The following ANK3 variants were observed in gnomAD, a reference collection of about 807,000 sequenced individuals.
ANK3 encodes ankyrin 3.
In ANK3, 57 loss-of-function variants were observed where a neutral mutation model predicts 370.9. The observed-to-expected ratio is 0.15, with a 90% CI of 0.12 to 0.19. The LOEUF (loss-of-function observed/expected upper bound fraction) is 0.19. Among genes scored for constraint, ANK3 ranks in the 10% least tolerant of loss-of-function variants. The pLI, the probability that ANK3 is intolerant of heterozygous loss-of-function variation, is 1.00. For missense variants in ANK3, 4,439 were observed against 5,302.1 expected, an observed-to-expected ratio of 0.84 and a Z score of 5.06; for synonymous variants, 1,929 against 1,946.3, an observed-to-expected ratio of 0.99 and a Z score of 0.23.
At chr10:60,391,733 T>C (rs965547214), upstream of ANK3, among the ~76,000 whole-genome samples, 3 of 152,212 alleles carry the variant, frequency 2.0e-5, no homozygotes, top group African/African-American at 4.8e-5. Flanking sequence ...TACTTTCTCA[T>C]TGATTTCTAT....
intron 42 of ANK3, chr10:60,044,411 A>G: frequency 1.3e-6 from 1 of 781,056 alleles, no homozygotes; most frequent in Non-Finnish European, 1.6e-6. Context: ...ACTACTCCAA[A>G]CACCACACAC....
chr10:60,216,701 A>T (rs2096942959), intron 8 of ANK3, among the ~76,000 whole-genome samples: 1 of 152,170 alleles, frequency 6.6e-6, no homozygotes, highest in Admixed American at 6.5e-5. Context: ...ATCGATGTTC[A>T]TCAGGGATAC....
At chr10:60,415,916 G>GTCCC (rs1567021986) in intron 2 of ANK3, among the ~76,000 whole-genome samples, 1 of 81,272 alleles carries the variant, frequency 1.2e-5, no homozygotes, top group African/African-American at 4.7e-5. Context: ...CTGAATTTGT[G>GTCCC]CCCCCCACCC....
intron 1 of ANK3, among the ~76,000 whole-genome samples, chr10:60,707,620 T>C (rs1441086718): frequency 1.3e-5 from 2 of 150,840 alleles, no homozygotes; most frequent in East Asian, 1.9e-4. Context: ...TATTTAAATA[T>C]ATAAATTTAA....
At chr10:60,635,334 T>C (rs752955542) in intron 1 of ANK3, among the ~76,000 whole-genome samples, 7 of 152,218 alleles carry the variant, frequency 4.6e-5, no homozygotes, top group Admixed American at 6.5e-5. Flanking sequence ...TAAACTCATG[T>C]AATTAGAGTC....
At chr10:60,649,534 T>C (rs966501366) in intron 1 of ANK3, among the ~76,000 whole-genome samples, 3 of 152,222 alleles carry the variant, frequency 2.0e-5, no homozygotes, top group Non-Finnish European at 2.9e-5. Context: ...TGATATCTTA[T>C]GTGAAATCAA....
intron 25 of ANK3, among the ~76,000 whole-genome samples, chr10:60,116,512 G>C (rs1488551055): frequency 6.6e-6 from 1 of 151,738 alleles, no homozygotes; most frequent in South Asian, 2.1e-4. Flanking sequence ...GCTTTTCAGG[G>C]AGAAGAAAAC....
Position 60,084,622 on chromosome 10 carries a change from C to T in ANK3, c.4054G>A (p.Ala1352Thr), listed in dbSNP as rs759186781. ...GGTACCTCAATATCTTTGCTTCTTG[C>T]GACTTCCTCAAAATTCTCTTGTTGC... The part of the protein sequence containing the change: ...LEQQENFEEV[A>T]RSKDIEVLEG... The change falls in exon 32 of 44, where the codon GCA becomes ACA. Residue 1352 changes from alanine (A) to threonine (T), a missense_variant. By Grantham distance (58) the Ala-to-Thr change is moderately conservative (BLOSUM62 0). This residue lies in a region of ANK3 where 702 missense variants were observed against 941.5 expected (regional missense o/e 0.75). Transcript: ENST00000280772. 6 of 1,613,616 alleles carry T rather than the reference C, an allele frequency of 3.7e-6. No homozygotes were observed. Among genetic ancestry groups the T allele is most frequent in the Admixed American group, 3.3e-5 (2 of 59,948 alleles).
At chr10:60,037,623 ACT>A (rs1179805311) in intron 43 of ANK3, among the ~76,000 whole-genome samples, 3 of 134,098 alleles carry the variant, frequency 2.2e-5, no homozygotes, top group Non-Finnish European at 4.9e-5. Context: ...ACATGCTCTC[ACT>A]CTTTTTTTTA....
At chr10:60,514,201 T>C (rs1305467665) in intron 2 of ANK3, among the ~76,000 whole-genome samples, 1 of 152,146 alleles carries the variant, frequency 6.6e-6, no homozygotes, top group Non-Finnish European at 1.5e-5. Context: ...CCGTCAACAG[T>C]AGGCTATTAG....
At chr10:60,110,927 G>A (rs1488726896) in intron 26 of ANK3, among the ~76,000 whole-genome samples, 1 of 152,098 alleles carries the variant, frequency 6.6e-6, no homozygotes, top group Non-Finnish European at 1.5e-5. Context: ...CCTGGCAACC[G>A]CTGAGTCTCA....
chr10:60,069,765 CTGA>C lies in ANK3; in HGVS notation c.11113_11115del (p.Ser3705del), dbSNP rs1564756294. On this transcript the variant is annotated inframe_deletion, in exon 37 of 44. Coordinates refer to ENST00000280772, the MANE Select transcript of ANK3 (RefSeq NM_020987.5). ...ACTTTAGAGGTGTTAGTGGCTGCTG[CTGA>C]TTTCTCCAGGGAGCCACTACTGGAT... 1 of 1,613,874 alleles carries C rather than the reference CTGA, an allele frequency of 6.2e-7. No individual in the cohort carries two copies. The highest frequency in any genetic ancestry group is 2.2e-5 in the East Asian group (1 of 44,876).
chr10:60,055,565 A>T, intron 42 of ANK3, 93 bp downstream of exon 42: 3 of 1,456,958 alleles, frequency 2.1e-6, no homozygotes, highest in South Asian at 1.5e-5. Flanking sequence ...ATCGTAAAAA[A>T]CCTTGGGCCC....
At chr10:60,585,093 C>T (rs1396434936) in intron 2 of ANK3, among the ~76,000 whole-genome samples, 1 of 152,188 alleles carries the variant, frequency 6.6e-6, no homozygotes, top group African/African-American at 2.4e-5. Flanking sequence ...GCCAGCATTA[C>T]CCTAACAAAT....
At chr10:60,083,121 T>C (rs556312009) in intron 33 of ANK3, among the ~76,000 whole-genome samples, 1 of 152,290 alleles carries the variant, frequency 6.6e-6, no homozygotes, top group South Asian at 2.1e-4. Flanking sequence ...GTGATCCCTC[T>C]AGAACGTCCC....
At chr10:60,156,390 C>G (rs1297199727) in intron 23 of ANK3, among the ~76,000 whole-genome samples, 2 of 152,192 alleles carry the variant, frequency 1.3e-5, no homozygotes, top group South Asian at 2.1e-4. Flanking sequence ...AAACCCCGTT[C>G]TGCTGAATAG....
chr10:60,468,816 T>G (rs571275178), intron 2 of ANK3, among the ~76,000 whole-genome samples: 1 of 151,614 alleles, frequency 6.6e-6, no homozygotes, highest in African/African-American at 2.4e-5. Flanking sequence ...TTGCACACCA[T>G]GCATTAATAA....
At chr10:60,114,082 A>T (rs999510234) in intron 26 of ANK3, 143 bp downstream of exon 26, 55 of 378,464 alleles carry the variant, frequency 1.5e-4, no homozygotes, top group African/African-American at 1.0e-3. Flanking sequence ...TTACAAATAC[A>T]TCTCACATAT....
At chr10:60,245,820 TAAG>T (rs2132581502) in intron 7 of ANK3, among the ~76,000 whole-genome samples, 1 of 152,298 alleles carries the variant, frequency 6.6e-6, no homozygotes, top group Admixed American at 6.5e-5. Context: ...AATAGACTGA[TAAG>T]AAAACACTCC....
Sources: allele counts gnomAD v4.1 joint callset (sites outside exome capture counted in the v4.1 genomes callset), GRCh38; gene constraint gnomAD v4.1.1; regional missense constraint gnomAD v4.1.1; transcripts MANE v1.5; gene names NCBI Gene and HGNC (gene_info 2026-07-23, HGNC 2026-07-21).